DRC4: variants seen among roughly 807,000 people sequenced by gnomAD.
DRC4 encodes GAS-11.
the DRC4 span, chr16:90,028,787 ACT>A: frequency 1.7e-6 from 1 of 589,612 alleles, no homozygotes; most frequent in Non-Finnish European, 2.6e-6. Context: ...GGCTGTGTCA[ACT>A]CTGTGTTATT....
chr16:90,027,752 C>CGGGTGG, the DRC4 span: 35 of 1,511,322 alleles, frequency 2.3e-5, no homozygotes, highest in Non-Finnish European at 3.0e-5. Context: ...GCCCAGTCCC[C>CGGGTGG]GGGTGGGCGT....
At chr16:90,036,692 G>T in the DRC4 span, 1 of 950,742 alleles carries the variant, frequency 1.1e-6, no homozygotes, top group East Asian at 2.6e-5. Context: ...AACACACCCA[G>T]TACTTTTTAT....
At chr16:90,027,960 G>A in the DRC4 span, 1 of 518,312 alleles carries the variant, frequency 1.9e-6, no homozygotes, top group South Asian at 2.9e-5. Context: ...GAGTGTGGAA[G>A]GACATGCTTT....
At chr16:90,029,760 G>A in the DRC4 span, 1 of 184,280 alleles carries the variant, frequency 5.4e-6, no homozygotes. Context: ...GGCTGTGCCC[G>A]AAAAGTAACT....
the DRC4 span, among the ~76,000 whole-genome samples, chr16:90,034,742 G>C: frequency 6.6e-6 from 1 of 151,230 alleles, no homozygotes; most frequent in Non-Finnish European, 1.5e-5. Flanking sequence ...TTTATTTTTA[G>C]AGATGAGGTC....
the DRC4 span, chr16:90,036,705 G>C: frequency 1.1e-6 from 1 of 896,222 alleles, no homozygotes. Context: ...CTTTTTATAA[G>C]ATTGTTTGAC....
chr16:90,044,409 C>T, the DRC4 span: 25 of 445,606 alleles, frequency 5.6e-5, no homozygotes, highest in Middle Eastern at 3.5e-4. Context: ...CCAGTCTGCC[C>T]ACTGCCTAAA....
At chr16:90,029,368 G>C in the DRC4 span, 1 of 1,242,574 alleles carries the variant, frequency 8.0e-7, no homozygotes, top group Non-Finnish European at 1.1e-6. Context: ...TGCCTTGTGG[G>C]CCTAGGAGTT....
the DRC4 span, among the ~76,000 whole-genome samples, chr16:90,024,277 G>C: frequency 6.6e-6 from 1 of 151,626 alleles, no homozygotes; most frequent in African/African-American, 2.4e-5. Context: ...AGGAATTAGA[G>C]AGACCGATGG....
the DRC4 span, chr16:90,032,776 T>C: frequency 1.3e-5 from 21 of 1,613,760 alleles, no homozygotes; most frequent in Non-Finnish European, 1.7e-5. Flanking sequence ...CTGACAGAGA[T>C]GAAGGCTGAG....
the DRC4 span, among the ~76,000 whole-genome samples, chr16:90,021,492 C>T: frequency 2.0e-5 from 3 of 151,414 alleles, no homozygotes; most frequent in Admixed American, 1.3e-4. Flanking sequence ...GATCTTGGCT[C>T]ACTGCAACCT....
At chr16:90,028,173 A>ATTTTTTTTTTTTT in the DRC4 span, among the ~76,000 whole-genome samples, 107 of 63,852 alleles carry the variant, frequency 1.7e-3, 22 homozygotes, top group Non-Finnish European at 1.9e-3. Context: ...TTAATCGTTC[A>ATTTTTTTTTTTTT]TTTTTTTTTT....
chr16:90,037,550 G>C, the DRC4 span: 4 of 1,094,818 alleles, frequency 3.7e-6, no homozygotes, highest in African/African-American at 1.6e-5. Context: ...TGTTCTCCTG[G>C]GGAAAGTAAA....
chr16:90,032,501 G>A, the DRC4 span, among the ~76,000 whole-genome samples: 3 of 149,926 alleles, frequency 2.0e-5, no homozygotes, highest in South Asian at 2.1e-4. Flanking sequence ...GTACGGACAG[G>A]TGAGGAGGTG....
the DRC4 span, chr16:90,027,499 G>A: frequency 1.3e-6 from 1 of 775,884 alleles, no homozygotes; most frequent in East Asian, 2.6e-5. Context: ...AACACTCAGG[G>A]CAATGATGTG....
chr16:90,038,374 A>G, the DRC4 span, among the ~76,000 whole-genome samples: 1 of 152,134 alleles, frequency 6.6e-6, no homozygotes, highest in African/African-American at 2.4e-5. Context: ...TTAATCTCAC[A>G]GTGTATCAGG....
the DRC4 span, among the ~76,000 whole-genome samples, chr16:90,033,186 T>C: frequency 6.6e-6 from 1 of 152,200 alleles, no homozygotes; most frequent in Non-Finnish European, 1.5e-5. Context: ...TTAGGATCTT[T>C]CATGTGCTGC....
chr16:90,033,905 G>T, the DRC4 span, among the ~76,000 whole-genome samples: 1 of 151,222 alleles, frequency 6.6e-6, no homozygotes, highest in East Asian at 2.0e-4. Context: ...TGGGAGACGG[G>T]ATGGGCCAGT....
At chr16:90,019,980 C>T in the DRC4 span, 3 of 697,970 alleles carry the variant, frequency 4.3e-6, no homozygotes, top group South Asian at 4.5e-5. The surrounding 1 kb of genome is among the most constrained non-coding windows in gnomAD (Gnocchi z 6.1). Context: ...GGGCGGCGGG[C>T]CCGGGCTGCA....
Sources: gnomAD v4.1 joint callset for allele counts (sites outside exome capture counted in the v4.1 genomes callset) on GRCh38, gnomAD v4.1.1 for gene constraint, Gnocchi (gnomAD v3.1) non-coding constraint, MANE v1.5 for transcripts, NCBI Gene and HGNC (gene_info 2026-07-23, HGNC 2026-07-21) for gene names.